TCTN1: variants seen among roughly 807,000 people sequenced by gnomAD.
TCTN1 encodes the protein tectonic-1.
In TCTN1, 58 loss-of-function variants were observed where a neutral mutation model predicts 65.8. That is an observed-to-expected ratio of 0.88 (90% CI 0.71 to 1.10). The LOEUF is 1.10. TCTN1 is among the 50% of genes least tolerant of loss of function. The pLI, the probability that TCTN1 is intolerant of heterozygous loss-of-function variation, is 0.00. For synonymous variants in TCTN1, 273 were observed against 289.1 expected (o/e 0.94, Z 0.57); for missense variants, 645 against 719.4 (o/e 0.90, Z 1.18).
chr12:110,628,575 A>C (rs2066008533), intron 3 of TCTN1, among the ~76,000 whole-genome samples, 192 bp from the exon 4 acceptor site: 1 of 152,114 alleles, frequency 6.6e-6, no homozygotes, highest in African/African-American at 2.4e-5. Context: ...TCCTGACCTC[A>C]GGCAGTCCGC....
chr12:110,620,134 G>T (rs550163677), intron 2 of TCTN1, among the ~76,000 whole-genome samples, 178 bp downstream of exon 2: 160 of 152,264 alleles, frequency 1.1e-3, no homozygotes, highest in African/African-American at 3.6e-3. Context: ...CTGGCAGGGC[G>T]CAGTGGCTCA....
intron 1 of TCTN1, among the ~76,000 whole-genome samples, chr12:110,619,481 A>G (rs1240469449): frequency 6.6e-6 from 1 of 152,178 alleles, no homozygotes; most frequent in Non-Finnish European, 1.5e-5. Context: ...TGGTCAGGCA[A>G]ATGGTTTAGG....
chr12:110,614,134 C>T lies in TCTN1; in HGVS notation c.-49C>T. The T allele has an allele frequency of 6.5e-7, 1 of 1,539,212 alleles. No individual in the cohort carries two copies. The highest frequency in any genetic ancestry group is 8.7e-7 in the Non-Finnish European group (1 of 1,143,596). On this transcript the variant is annotated 5_prime_UTR_variant, in exon 1 of 15. Transcript: ENST00000397659. ...CCCCGCGCCTGGCTGTCGCGGTTGC[C>T]GGGCAACGCGCTGTCCATGTCGCGG...
rs750945485 is a variant in TCTN1, at chr12:110,647,733, T to G, written c.1636-16T>G. 40 of 1,611,960 alleles carry G rather than the reference T, an allele frequency of 2.5e-5. No individual in the cohort carries two copies. The highest frequency in any genetic ancestry group is 3.4e-5 in the Non-Finnish European group (40 of 1,178,742). On this transcript the variant is annotated splice_polypyrimidine_tract_variant and intron_variant, in intron 13 of 14. Coordinates refer to ENST00000397659, the MANE Select transcript of TCTN1 (RefSeq NM_001082538.3). ...CACACTGGAGGGTGGGCCTTGCATC[T>G]CTCTGTTTATTACAGGCCAACTCAG...
Position 110,640,491 on chromosome 12 carries a change from A to G in TCTN1, c.952A>G (p.Ser318Gly). Residue 318 changes from serine to glycine, a missense_variant, in exon 8 of 15, where the codon AGC (serine) becomes GGC (glycine). By Grantham distance (56) the Ser-to-Gly change is moderately conservative (BLOSUM62 0). Transcript: ENST00000397659. The surrounding 1 kb of genome is among the most constrained non-coding windows in gnomAD (Gnocchi z 4.9). Reference protein sequence around the residue: ...QPTLVNAGHFSLCVNVVLEVK... With the variant: ...QPTLVNAGHFGLCVNVVLEVK... ...GACTCTCGTCAACGCTGGACACTTT[A>G]GCCTTTGCGTGAATGTTGTTCTTGA... 6.2e-7 allele frequency: 1 copy of G among 1,614,222 alleles called. No homozygotes were observed. The highest frequency in any genetic ancestry group is 8.5e-7 in the Non-Finnish European group (1 of 1,180,044).
chr12:110,634,825 G>A (rs761771763), intron 6 of TCTN1, 46 bp downstream of exon 6: 5 of 1,419,782 alleles, frequency 3.5e-6, no homozygotes, highest in South Asian at 1.2e-5. Context: ...GTATGTTTCT[G>A]TTCTTTCTGC....
chr12:110,619,476 A>G (rs1460128455), intron 1 of TCTN1, among the ~76,000 whole-genome samples: 1 of 152,226 alleles, frequency 6.6e-6, no homozygotes, highest in Non-Finnish European at 1.5e-5. Flanking sequence ...TCTTATGGTC[A>G]GGCAAATGGT....
At position 110,647,754 on chromosome 12, in the gene TCTN1, C is replaced by T. The variant is rs544494640; in HGVS notation, c.1641C>T (p.Asn547=). 1.9e-6 allele frequency: 3 copies of T among 1,614,218 alleles called. No individual in the cohort carries two copies. The African/African-American group carries it at 4.0e-5, about 22-fold the overall frequency. Residue 547 remains asparagine (N), a synonymous_variant, in exon 14 of 15, where the codon AAC becomes AAT. Transcript: ENST00000397659. ...CATCTCTCTGTTTATTACAGGCCAA[C>T]TCAGGAAATGAAAGGACGATTCTTA... ...NLISSSFPEA[N]SGNERTILIS... is the part of the protein sequence containing the mutation.
intron 2 of TCTN1, among the ~76,000 whole-genome samples, chr12:110,623,071 G>C (rs769548361): frequency 6.6e-6 from 1 of 152,070 alleles, no homozygotes; most frequent in Non-Finnish European, 1.5e-5. Context: ...CCTCGTGGTC[G>C]TCCATCCCTG....
At position 110,648,437 on chromosome 12, in the gene TCTN1, A is replaced by G. The variant is rs1307620728; in HGVS notation, c.*1+544A>G. 2.0e-5 allele frequency among the ~76,000 whole-genome samples: 3 copies of G among 152,180 alleles called. No homozygotes were observed. The East Asian group carries it at 5.8e-4, about 29-fold the overall frequency. The stretch of plus-strand genomic sequence containing the variant: ...GATAGAACCCAAAAAGTCTTTGGGG[A>G]GATGGTAAAGAACATGAACAGGACT... On this transcript the variant is annotated intron_variant, in intron 14 of 14. Coordinates refer to ENST00000397659, the MANE Select transcript of TCTN1 (RefSeq NM_001082538.3).
At position 110,640,368 on chromosome 12, in the gene TCTN1, G is replaced by A; in HGVS notation, c.844-15G>A. 6.2e-7 allele frequency: 1 copy of A among 1,614,028 alleles called. No individual in the cohort carries two copies. The highest frequency in any genetic ancestry group is 8.5e-7 in the Non-Finnish European group (1 of 1,179,952). On this transcript the variant is annotated splice_polypyrimidine_tract_variant and intron_variant, in intron 7 of 14. Coordinates refer to ENST00000397659, the MANE Select transcript of TCTN1 (RefSeq NM_001082538.3). This position sits in a 1 kb window ranked among gnomAD's most constrained non-coding sequence, Gnocchi z 4.9. ...GGGTAGAGCATCTTCAACACTCCAG[G>A]TCTTCACTCTGCAGGTCCCTATCAC...
At chr12:110,646,446 A>G (rs547301228) in intron 12 of TCTN1, 2 of 152,324 alleles carry the variant, frequency 1.3e-5, no homozygotes, top group South Asian at 2.1e-4. Flanking sequence ...GTAGAATAGT[A>G]CCATGGAGTC....
Position 110,649,323 on chromosome 12 carries a change from A to C in TCTN1, c.*282A>C. 1.9e-6 allele frequency: 2 copies of C among 1,058,170 alleles called. No homozygotes were observed. The highest frequency in any genetic ancestry group is 1.4e-6 in the Non-Finnish European group (1 of 692,526). The allele number at this position is 1,058,170 out of a possible 1,614,324, so 65.5% of individuals were successfully genotyped here. A position where few individuals can be genotyped will look rare whatever the true frequency, so the allele number is the denominator to read the frequency against. On this transcript the variant is annotated 3_prime_UTR_variant, in exon 15 of 15. Transcript: ENST00000397659. ...GAGGTATCAAACCAAACCTCTCACCAAGCGGCCCAGGAGGGGCAGCTGTTC... is the reference window on the plus strand; with the variant it reads ...GAGGTATCAAACCAAACCTCTCACCCAGCGGCCCAGGAGGGGCAGCTGTTC...
chr12:110,635,720 A>G (rs148472073), intron 6 of TCTN1: 1,736 of 152,326 alleles, frequency 0.011, 17 homozygotes, highest in Middle Eastern at 0.017. Flanking sequence ...TTTCCTTTTT[A>G]TGAGGGGTAC....
chr12:110,633,340 G>A (rs1006906254), intron 5 of TCTN1, among the ~76,000 whole-genome samples: 1 of 152,208 alleles, frequency 6.6e-6, no homozygotes, highest in African/African-American at 2.4e-5. Flanking sequence ...GAAGAACAGT[G>A]TAAATTAAAA....
intron 6 of TCTN1, among the ~76,000 whole-genome samples, chr12:110,635,015 A>T (rs145965945): frequency 1.2e-3 from 187 of 152,290 alleles, no homozygotes; most frequent in African/African-American, 4.3e-3. Context: ...TTTTGATGGT[A>T]ACCAATATCT....
chr12:110,619,745 T>G, intron 1 of TCTN1, 91 bp from the exon 2 acceptor site: 2 of 1,595,268 alleles, frequency 1.3e-6, no homozygotes, highest in Non-Finnish European at 1.7e-6. Context: ...ATCTTTTTTA[T>G]GAAATTGACT....
At chr12:110,643,671 C>T (rs982501381) in intron 11 of TCTN1, 1 of 152,084 alleles carries the variant, frequency 6.6e-6, no homozygotes, top group Non-Finnish European at 1.5e-5. Context: ...CCAATATTTA[C>T]CATTTACTTA....
chr12:110,642,968 C>G (rs902186438), intron 11 of TCTN1, among the ~76,000 whole-genome samples: 20 of 152,104 alleles, frequency 1.3e-4, no homozygotes, highest in Non-Finnish European at 2.1e-4. Flanking sequence ...GTTGGCCAGG[C>G]TGGTCTCAAA....
Sources: allele counts gnomAD v4.1 joint callset (sites outside exome capture counted in the v4.1 genomes callset), GRCh38; gene constraint gnomAD v4.1.1; non-coding constraint Gnocchi (gnomAD v3.1); transcripts MANE v1.5; gene names NCBI Gene and HGNC (gene_info 2026-07-23, HGNC 2026-07-21).